PRKCB: variants seen among roughly 807,000 people sequenced by gnomAD.
PRKCB encodes the protein protein kinase C beta type.
Under a neutral mutation model 81.5 loss-of-function variants are expected in PRKCB, and 13 were observed. The observed-to-expected ratio is 0.16, with a 90% CI of 0.10 to 0.25. The LOEUF (loss-of-function observed/expected upper bound fraction) is 0.25. PRKCB is among the 10% of genes least tolerant of loss of function. The probability of loss-of-function intolerance (pLI) is 1.00; values close to 1 mark genes in which losing one functional copy is unlikely to be tolerated. For missense variants in PRKCB, 509 were observed against 875.7 expected (o/e 0.58, Z 5.29); for synonymous variants, 335 against 321.4 (o/e 1.04, Z -0.45).
chr16:24,152,132 C>A (rs986059420), intron 9 of PRKCB, among the ~76,000 whole-genome samples: 2 of 152,036 alleles, frequency 1.3e-5, no homozygotes. Flanking sequence ...AAGACATACC[C>A]GAGACTGTGT....
chr16:24,212,625 C>T (rs1390853582), intron 16 of PRKCB, among the ~76,000 whole-genome samples: 1 of 151,920 alleles, frequency 6.6e-6, no homozygotes, highest in Admixed American at 6.6e-5. Context: ...TACAGGCATG[C>T]ACCACCATGC....
At chr16:24,074,093 C>A (rs1234525981) in intron 5 of PRKCB, among the ~76,000 whole-genome samples, 2 of 151,686 alleles carry the variant, frequency 1.3e-5, no homozygotes, top group African/African-American at 4.8e-5. Context: ...CGAGATCATG[C>A]CACTGCACTT....
intron 5 of PRKCB, among the ~76,000 whole-genome samples, chr16:24,043,207 G>A (rs1386485422): frequency 6.6e-6 from 1 of 152,194 alleles, no homozygotes; most frequent in Non-Finnish European, 1.5e-5. Context: ...ATACTCATGA[G>A]CTCTGGCTAT....
intron 5 of PRKCB, among the ~76,000 whole-genome samples, chr16:24,059,773 A>G (rs572858597): frequency 6.6e-6 from 1 of 152,232 alleles, no homozygotes; most frequent in Admixed American, 6.5e-5. Flanking sequence ...AATTCAAGAA[A>G]GTGGATATGG....
intron 3 of PRKCB, among the ~76,000 whole-genome samples, chr16:23,999,473 C>A (rs1965004152): frequency 6.6e-6 from 1 of 152,198 alleles, no homozygotes; most frequent in African/African-American, 2.4e-5. Flanking sequence ...GTGAACCTAG[C>A]TACTGAGCCA....
chr16:23,840,304 G>C (rs567223135), intron 2 of PRKCB, among the ~76,000 whole-genome samples: 67 of 152,242 alleles, frequency 4.4e-4, no homozygotes, highest in African/African-American at 1.5e-3. Context: ...CCAGAGCCCA[G>C]GGCCTCAGGT....
intron 3 of PRKCB, among the ~76,000 whole-genome samples, chr16:24,010,513 G>A (rs1390410059): frequency 1.3e-5 from 2 of 152,174 alleles, no homozygotes; most frequent in East Asian, 3.8e-4. Flanking sequence ...AGTCAAATGG[G>A]CTTTCTTTGG....
chr16:24,012,339 A>T (rs1965214695), intron 3 of PRKCB, among the ~76,000 whole-genome samples: 1 of 152,248 alleles, frequency 6.6e-6, no homozygotes, highest in African/African-American at 2.4e-5. Flanking sequence ...GGCCCAGAGA[A>T]GTGAACTGAC....
intron 2 of PRKCB, among the ~76,000 whole-genome samples, chr16:23,890,182 T>C (rs1212920454): frequency 6.6e-6 from 1 of 152,182 alleles, no homozygotes; most frequent in Non-Finnish European, 1.5e-5. Context: ...GCAGCTAATA[T>C]TTAAGAAGGA....
At chr16:23,995,356 C>T (rs1964941377) in intron 3 of PRKCB, among the ~76,000 whole-genome samples, 1 of 152,182 alleles carries the variant, frequency 6.6e-6, no homozygotes, top group African/African-American at 2.4e-5. Context: ...GGCCATCTGA[C>T]CCAGCAAATC....
chr16:24,007,277 A>T (rs910756816), intron 3 of PRKCB, among the ~76,000 whole-genome samples: 1 of 152,210 alleles, frequency 6.6e-6, no homozygotes, highest in African/African-American at 2.4e-5. Context: ...AGTTAATATT[A>T]TTGCCACAAA....
chr16:24,181,648 TC>T (rs1169175586), intron 13 of PRKCB, among the ~76,000 whole-genome samples: 1 of 151,612 alleles, frequency 6.6e-6, no homozygotes, highest in African/African-American at 2.4e-5. Context: ...ATGCCTGTAG[TC>T]CCAGCTACTT....
Position 23,836,025 on chromosome 16 carries a change from C to G in PRKCB, c.-151C>G, listed in dbSNP as rs1962145948. 1 of 357,624 alleles carries G rather than the reference C, an allele frequency of 2.8e-6. No individual in the cohort carries two copies. The highest frequency in any genetic ancestry group is 3.9e-6 in the Non-Finnish European group (1 of 257,142). The allele number at this position is 357,624 out of a possible 1,614,324, so 22.2% of individuals were successfully genotyped here. On this transcript the variant is annotated 5_prime_UTR_variant, in exon 1 of 17. Coordinates refer to ENST00000643927, the MANE Select transcript of PRKCB (RefSeq NM_002738.7). ...TGGGCGAGTGACAGCCCCGGCTCCGCGCGCCGCGGCCGCCAGAGCCGGCGC... is the reference window on the plus strand; with the variant it reads ...TGGGCGAGTGACAGCCCCGGCTCCGGGCGCCGCGGCCGCCAGAGCCGGCGC...
chr16:24,105,666 G>C (rs1157938951), intron 7 of PRKCB, among the ~76,000 whole-genome samples: 3 of 152,140 alleles, frequency 2.0e-5, no homozygotes, highest in Non-Finnish European at 4.4e-5. Flanking sequence ...TGAGAATGAT[G>C]GTTTCCAGCT....
At chr16:24,097,870 T>C (rs903899689) in intron 7 of PRKCB, among the ~76,000 whole-genome samples, 1 of 152,168 alleles carries the variant, frequency 6.6e-6, no homozygotes, top group Non-Finnish European at 1.5e-5. Context: ...CTGGGTTACA[T>C]AAGGAGTTGT....
intron 5 of PRKCB, among the ~76,000 whole-genome samples, chr16:24,064,026 C>T (rs1370863490): frequency 6.6e-6 from 1 of 152,088 alleles, no homozygotes; most frequent in Admixed American, 6.5e-5. Flanking sequence ...CGTTTTTGTA[C>T]AGTAACCCTC....
At chr16:23,968,451 A>G (rs1402657792) in intron 2 of PRKCB, among the ~76,000 whole-genome samples, 1 of 152,194 alleles carries the variant, frequency 6.6e-6, no homozygotes, top group African/African-American at 2.4e-5. Flanking sequence ...AGCTGGGGCT[A>G]AGAAGGAAGG....
At chr16:24,076,845 G>C (rs1455846868) in intron 5 of PRKCB, among the ~76,000 whole-genome samples, 1 of 152,174 alleles carries the variant, frequency 6.6e-6, no homozygotes, top group African/African-American at 2.4e-5. Context: ...TGGGGGCTGT[G>C]CCGGAACTCT....
chr16:24,135,080 A>T (rs1966860477), intron 9 of PRKCB, among the ~76,000 whole-genome samples: 1 of 63,420 alleles, frequency 1.6e-5, no homozygotes, highest in East Asian at 4.1e-4. Flanking sequence ...TTGTGATTTA[A>T]AAAAAAAAAT....
Sources: allele counts gnomAD v4.1 joint callset (sites outside exome capture counted in the v4.1 genomes callset), GRCh38; gene constraint gnomAD v4.1.1; transcripts MANE v1.5; gene names NCBI Gene and HGNC (gene_info 2026-07-23, HGNC 2026-07-21).